HERC2: variants seen among roughly 807,000 people sequenced by gnomAD.
The protein encoded by HERC2 is E3 ubiquitin-protein ligase HERC2.
A neutral mutation model predicts 537.7 loss-of-function variants in HERC2; 102 were observed. The observed-to-expected ratio is 0.19, with a 90% CI of 0.16 to 0.22. The LOEUF (loss-of-function observed/expected upper bound fraction) is 0.22. Ranked by LOEUF, HERC2 falls within the 10% of genes least tolerant of loss-of-function variation. The probability of loss-of-function intolerance (pLI) is 1.00; values close to 1 mark genes in which losing one functional copy is unlikely to be tolerated. For synonymous variants in HERC2, 2,224 were observed against 2,466.2 expected (o/e 0.90, Z 2.91); for missense variants, 4,236 against 6,198.2 (o/e 0.68, Z 10.63).
In HERC2 at chr15:28,263,021, C is replaced by T. The variant is rs371151360; in HGVS notation, c.2019G>A (p.Thr673=). 1.9e-5 allele frequency: 31 copies of T among 1,614,062 alleles called. 1 individual carries two copies. Among genetic ancestry groups the T allele is most frequent in the Admixed American group, 1.3e-4 (8 of 60,000 alleles). Residue 673 remains threonine, a synonymous_variant, in exon 15 of 93, where the codon ACG becomes ACA. Coordinates refer to ENST00000261609, the MANE Select transcript of HERC2 (RefSeq NM_004667.6). ...RCGSQFSIAL[T]KDGQVYSWGK... The stretch of plus-strand genomic sequence containing the variant: ...CCCATGAATAAACTTGGCCATCTTT[C>T]GTCAAAGCAATGGAAAACTGACTTC...
In HERC2 at chr15:28,163,200, C is replaced by T. The variant is rs776684340; in HGVS notation, c.10640G>A (p.Arg3547His). ...FTSLLIADDT[R>H]VVVDLLKLSV... ...CAGCTTGAGCAGGTCTACCACCACA[C>T]GAGTGTCATCCGCAATCAGCAGACT... Residue 3547 changes from arginine to histidine, a missense_variant, in exon 69 of 93, where the codon CGT becomes CAT. Coordinates refer to ENST00000261609, the MANE Select transcript of HERC2 (RefSeq NM_004667.6). 8.7e-6 allele frequency: 14 copies of T among 1,613,752 alleles called. No individual in the cohort carries two copies. Among genetic ancestry groups the T allele is most frequent in the East Asian group, 2.2e-5 (1 of 44,878 alleles).
intron 2 of HERC2, among the ~76,000 whole-genome samples, chr15:28,304,866 C>T: frequency 7.9e-6 from 1 of 127,024 alleles, no homozygotes; most frequent in South Asian, 3.2e-4. Context: ...CCCCCTCCCC[C>T]CACCCCACCC....
chr15:28,215,668 C>A lies in HERC2; in HGVS notation c.6163G>T (p.Val2055Phe). Residue 2055 changes from valine to phenylalanine, a missense_variant, in exon 39 of 93, where the codon GTC (valine) becomes TTC (phenylalanine). This residue lies in a region of HERC2 where 365 missense variants were observed against 468.8 expected (regional missense o/e 0.78). Coordinates refer to ENST00000261609, the MANE Select transcript of HERC2 (RefSeq NM_004667.6). The part of the protein sequence containing the change: ...SPQWITLLMK[V>F]VEGHAPFTAT... ...GTGAAGGGTGCGTGCCCTTCCACGA[C>A]CTTCATGAGCAGCGTGATCCACTGC... The A allele has an allele frequency of 6.2e-7, 1 of 1,611,958 alleles. No individual in the cohort carries two copies. Among genetic ancestry groups the A allele is most frequent in the Non-Finnish European group, 8.5e-7 (1 of 1,179,802 alleles).
At chr15:28,307,364 C>T (rs532514095) in intron 2 of HERC2, among the ~76,000 whole-genome samples, 47 of 152,304 alleles carry the variant, frequency 3.1e-4, no homozygotes, top group Middle Eastern at 6.8e-3. Context: ...ATTTCAACTC[C>T]ATTTTATTTC....
At chr15:28,209,717 G>C (rs1051612707) in intron 44 of HERC2, among the ~76,000 whole-genome samples, 1 of 152,082 alleles carries the variant, frequency 6.6e-6, no homozygotes, top group Non-Finnish European at 1.5e-5. Context: ...CCATTTTATA[G>C]AAGGGCCTTA....
At chr15:28,302,033 C>T (rs1479030148) in intron 2 of HERC2, among the ~76,000 whole-genome samples, 2 of 149,026 alleles carry the variant, frequency 1.3e-5, no homozygotes, top group East Asian at 4.0e-4. Context: ...CTCTTGACCT[C>T]ATGATCCACC....
Position 28,265,508 on chromosome 15 carries a change from C to T in HERC2, c.1870+110G>A, listed in dbSNP as rs943903134. On this transcript the variant is annotated intron_variant, in intron 14 of 92. Coordinates refer to ENST00000261609, the MANE Select transcript of HERC2 (RefSeq NM_004667.6). This position sits in a 1 kb window ranked among gnomAD's most constrained non-coding sequence, Gnocchi z 4.0. Reference sequence around the variant, plus strand: ...GCCACTGAGCCCCACACCCACTGGGCGACAGGGTGGGTGGCCTCGTGAGGC... The same window carrying T: ...GCCACTGAGCCCCACACCCACTGGGTGACAGGGTGGGTGGCCTCGTGAGGC... The T allele has an allele frequency of 6.0e-6, 5 of 833,904 alleles. No individual in the cohort carries two copies. The highest frequency in any genetic ancestry group is 3.2e-5 in the South Asian group (2 of 62,270). 51.7% of individuals were successfully genotyped at this position (833,904 alleles called of 1,614,324 possible).
intron 36 of HERC2, among the ~76,000 whole-genome samples, chr15:28,221,499 A>G (rs1900520496): frequency 6.9e-6 from 1 of 144,812 alleles, no homozygotes; most frequent in Non-Finnish European, 1.5e-5. Context: ...GGGAAGGTGA[A>G]CACTGCCCTA....
At chr15:28,278,742 T>G (rs1385647459) in intron 5 of HERC2, among the ~76,000 whole-genome samples, 1 of 152,190 alleles carries the variant, frequency 6.6e-6, no homozygotes, top group Non-Finnish European at 1.5e-5. Flanking sequence ...CTGCCTCCCG[T>G]ACCTTCTATG....
intron 4 of HERC2, among the ~76,000 whole-genome samples, chr15:28,289,955 A>ACACCT (rs969493859): frequency 2.0e-5 from 3 of 151,036 alleles, no homozygotes; most frequent in Non-Finnish European, 4.4e-5. Flanking sequence ...AGAGGACCAC[A>ACACCT]CACCTCAGTG....
intron 86 of HERC2, among the ~76,000 whole-genome samples, chr15:28,119,221 T>C (rs1032684304): frequency 6.6e-6 from 1 of 151,728 alleles, no homozygotes; most frequent in Non-Finnish European, 1.5e-5. Context: ...CATGGTGAAA[T>C]TGTCTCTACT....
At chr15:28,202,023 T>G in intron 47 of HERC2, 90 bp downstream of exon 47, 1 of 1,125,410 alleles carries the variant, frequency 8.9e-7, no homozygotes, top group Non-Finnish European at 1.3e-6. Context: ...GTTAATTCTT[T>G]CAAGGGACAG....
At chr15:28,308,115 T>C (rs558420089) in intron 2 of HERC2, among the ~76,000 whole-genome samples, 12 of 152,318 alleles carry the variant, frequency 7.9e-5, no homozygotes, top group African/African-American at 2.9e-4. Flanking sequence ...TTGCTAGGGA[T>C]TGCACTGAAT....
chr15:28,320,535 T>G, intron 2 of HERC2: 1 of 151,786 alleles, frequency 6.6e-6, no homozygotes, highest in East Asian at 1.9e-4. Flanking sequence ...GATCAACTAC[T>G]GCTTAACAGC....
intron 69 of HERC2, among the ~76,000 whole-genome samples, chr15:28,162,701 A>C (rs1431172758): frequency 6.6e-6 from 1 of 152,118 alleles, no homozygotes; most frequent in African/African-American, 2.4e-5. Flanking sequence ...CATCCTGGCT[A>C]ACATGGTAAA....
intron 68 of HERC2, 53 bp from the exon 69 acceptor site, chr15:28,163,338 A>AAAG: frequency 6.6e-7 from 1 of 1,522,204 alleles, no homozygotes; most frequent in Non-Finnish European, 9.0e-7. Flanking sequence ...GCTAAGAGAT[A>AAAG]AAGAGTCACC....
chr15:28,237,712 A>G (rs1338302431), intron 25 of HERC2, among the ~76,000 whole-genome samples: 2 of 152,204 alleles, frequency 1.3e-5, no homozygotes, highest in East Asian at 3.9e-4. Context: ...ATCCCAATAT[A>G]TAAATTCTAT....
chr15:28,113,776 TC>T lies in HERC2; in HGVS notation c.13914-99del. 1.0e-6 allele frequency: 1 copy of T among 952,950 alleles called. No homozygotes were observed. Among genetic ancestry groups the T allele is most frequent in the Non-Finnish European group, 1.6e-6 (1 of 606,258 alleles). 59.0% of individuals were successfully genotyped at this position (952,950 alleles called of 1,614,324 possible). On this transcript the variant is annotated intron_variant, in intron 90 of 92. Coordinates refer to ENST00000261609, the MANE Select transcript of HERC2 (RefSeq NM_004667.6). This position sits in a 1 kb window ranked among gnomAD's most constrained non-coding sequence, Gnocchi z 7.0. ...GCATGCAGCACTGTGGCCGCACACG[TC>T]CCAGCTGGGAGAACAGAGGGAGCAG...
At chr15:28,315,585 G>C (rs528285477) in intron 2 of HERC2, 23 of 469,786 alleles carry the variant, frequency 4.9e-5, no homozygotes, top group African/African-American at 4.2e-4. Flanking sequence ...ACGAGCTCAG[G>C]AGTTCAAGAC....
Sources: allele counts gnomAD v4.1 joint callset (sites outside exome capture counted in the v4.1 genomes callset), GRCh38; gene constraint gnomAD v4.1.1; regional missense constraint gnomAD v4.1.1; non-coding constraint Gnocchi (gnomAD v3.1); transcripts MANE v1.5; gene names NCBI Gene and HGNC (gene_info 2026-07-23, HGNC 2026-07-21).